Variants in RNF216 observed in about 807,000 individuals in gnomAD.
RNF216 encodes E3 ubiquitin-protein ligase RNF216.
RNF216 carries 72 observed loss-of-function variants against 110.8 expected under a neutral mutation model. That is an observed-to-expected ratio of 0.65 (90% CI 0.54 to 0.79). RNF216 has a LOEUF of 0.79. RNF216 is among the 30% of genes least tolerant of loss of function. RNF216 has a pLI of 0.00. For synonymous variants in RNF216, 495 were observed against 407.5 expected, an observed-to-expected ratio of 1.21 and a Z score of -2.59; for missense variants, 1,342 against 1,141.2, an observed-to-expected ratio of 1.18 and a Z score of -2.54.
intron 14 of RNF216, among the ~76,000 whole-genome samples, chr7:5,641,607 A>C (rs923241712): frequency 5.9e-5 from 9 of 152,138 alleles, no homozygotes; most frequent in South Asian, 2.1e-4. Flanking sequence ...TCATTTTTAA[A>C]CTGTGAAAAC....
chr7:5,729,620 A>C (rs1562437902), intron 6 of RNF216, 24 bp from the exon 7 acceptor site: 2 of 1,601,312 alleles, frequency 1.2e-6, no homozygotes, highest in Non-Finnish European at 1.7e-6. Flanking sequence ...GAAGCATAAA[A>C]TCAGAGGCCA....
intron 1 of RNF216, among the ~76,000 whole-genome samples, chr7:5,773,301 GGT>G: frequency 6.6e-6 from 1 of 151,224 alleles, no homozygotes; most frequent in African/African-American, 2.4e-5. Context: ...GGAGTGCAGT[GGT>G]GCAATCTCAG....
chr7:5,678,708 C>G (rs1022077258), intron 13 of RNF216, among the ~76,000 whole-genome samples: 1 of 152,250 alleles, frequency 6.6e-6, no homozygotes, highest in Non-Finnish European at 1.5e-5. Context: ...ACCCTCCAAG[C>G]ACGCTTCCAG....
chr7:5,766,361 C>T (rs74981409), intron 1 of RNF216, among the ~76,000 whole-genome samples: 15 of 152,096 alleles, frequency 9.9e-5, no homozygotes, highest in Non-Finnish European at 1.8e-4. Flanking sequence ...AAGTGTGTCA[C>T]GCCTGGCCTC....
At chr7:5,700,099 A>C (rs766854607) in intron 13 of RNF216, among the ~76,000 whole-genome samples, 2 of 152,118 alleles carry the variant, frequency 1.3e-5, no homozygotes, top group Non-Finnish European at 2.9e-5. Flanking sequence ...TGACACAGAC[A>C]CCCACGGGGA....
intron 10 of RNF216, among the ~76,000 whole-genome samples, chr7:5,715,491 C>T (rs918848946): frequency 5.3e-5 from 8 of 152,062 alleles, no homozygotes; most frequent in South Asian, 2.1e-4. Context: ...GGAACTAGAA[C>T]ATCTGTACTC....
intron 5 of RNF216, among the ~76,000 whole-genome samples, chr7:5,738,702 C>G (rs1377283124): frequency 8.0e-5 from 6 of 75,196 alleles, no homozygotes; most frequent in Non-Finnish European, 1.3e-4. Flanking sequence ...AGTGAGACTC[C>G]GTCTCAAAAA....
intron 13 of RNF216, among the ~76,000 whole-genome samples, chr7:5,687,630 C>G (rs1021476845): frequency 1.3e-5 from 2 of 152,086 alleles, no homozygotes; most frequent in African/African-American, 4.8e-5. Flanking sequence ...CTGAGATTAA[C>G]AGATCTCATT....
intron 1 of RNF216, among the ~76,000 whole-genome samples, chr7:5,761,713 G>A (rs1795944085): frequency 6.6e-6 from 1 of 151,916 alleles, no homozygotes; most frequent in Non-Finnish European, 1.5e-5. Flanking sequence ...TTGAACCCGG[G>A]AGGCTGAAGT....
At chr7:5,707,983 T>A (rs1206394129) in intron 13 of RNF216, among the ~76,000 whole-genome samples, 1 of 152,208 alleles carries the variant, frequency 6.6e-6, no homozygotes, top group African/African-American at 2.4e-5. Context: ...TGCCTCGGCC[T>A]CCCACAGTGC....
intron 14 of RNF216, among the ~76,000 whole-genome samples, chr7:5,646,746 T>C (rs1415350153): frequency 6.6e-6 from 1 of 151,894 alleles, no homozygotes; most frequent in Non-Finnish European, 1.5e-5. Flanking sequence ...TTATGTGTGG[T>C]CACTGAAGTC....
At chr7:5,746,876 G>C (rs4724719) in intron 3 of RNF216, among the ~76,000 whole-genome samples, 60 of 152,126 alleles carry the variant, frequency 3.9e-4, no homozygotes, top group Non-Finnish European at 7.9e-4. Flanking sequence ...TGAATCCTAA[G>C]ACTCCAAATT....
intron 4 of RNF216, among the ~76,000 whole-genome samples, chr7:5,739,984 C>T (rs998940639): frequency 2.8e-5 from 4 of 140,456 alleles, no homozygotes; most frequent in Non-Finnish European, 4.6e-5. Flanking sequence ...GCCTGGGTGA[C>T]AGAGTGAGAC....
intron 14 of RNF216, among the ~76,000 whole-genome samples, chr7:5,643,684 C>T (rs1017362162): frequency 1.3e-5 from 2 of 152,184 alleles, no homozygotes; most frequent in African/African-American, 4.8e-5. Context: ...TGGTAAAATG[C>T]ACATAAAATT....
At chr7:5,719,207 C>G (rs909165811) in intron 9 of RNF216, among the ~76,000 whole-genome samples, 3 of 151,940 alleles carry the variant, frequency 2.0e-5, no homozygotes, top group African/African-American at 7.3e-5. Context: ...ATGGGGAAAC[C>G]CAGGCTCTAC....
intron 8 of RNF216, 22 bp from the exon 9 acceptor site, chr7:5,721,194 A>C: frequency 6.2e-7 from 1 of 1,611,176 alleles, no homozygotes; most frequent in South Asian, 1.1e-5. Flanking sequence ...ACGACAATGC[A>C]AAAGCATGCA....
rs1171304128 is a variant in RNF216, at chr7:5,741,648, T to C, written c.369A>G (p.Ala123=). The C allele has an allele frequency of 6.2e-7, 1 of 1,614,158 alleles. No homozygotes were observed. The highest frequency in any genetic ancestry group is 8.5e-7 in the Non-Finnish European group (1 of 1,180,026). The part of the protein sequence containing the change: ...VCNNPLFDSG[A]QDDSEDDYGE... ...CGTAGTCATCCTCAGAATCATCCTG[T>C]GCCCCAGAATCAAACAATGGGTTGT... Residue 123 remains alanine, a synonymous_variant, in exon 4 of 17, where the codon GCA becomes GCG. Coordinates refer to ENST00000389902, the MANE Select transcript of RNF216 (RefSeq NM_207111.4).
chr7:5,664,084 G>A (rs887039807), intron 13 of RNF216, among the ~76,000 whole-genome samples: 14 of 152,094 alleles, frequency 9.2e-5, no homozygotes, highest in Non-Finnish European at 8.8e-5. Context: ...AGATTTGAGC[G>A]GCACAAGGTG....
Position 5,752,914 on chromosome 7 carries a change from T to C in RNF216, c.133A>G (p.Met45Val), listed in dbSNP as rs767466211. Residue 45 changes from methionine to valine, a missense_variant, in exon 3 of 17, where the codon ATG (methionine) becomes GTG (valine). By Grantham distance (21) the Met-to-Val change is conservative. Coordinates refer to ENST00000389902, the MANE Select transcript of RNF216 (RefSeq NM_207111.4). ...TGCTGAGGAGCTGGGGTGACCAGCA[T>C]TGGAATCCTTTCCTCATCTGAGGAG... ...SDSSDEERIP[M>V]LVTPAPQQHE... The C allele has an allele frequency of 3.1e-5, 50 of 1,611,932 alleles. No individual in the cohort carries two copies. The highest frequency in any genetic ancestry group is 1.7e-4 in the Middle Eastern group (1 of 6,026).
Sources: gnomAD v4.1 joint callset for allele counts (sites outside exome capture counted in the v4.1 genomes callset) on GRCh38, gnomAD v4.1.1 for gene constraint, MANE v1.5 for transcripts, NCBI Gene and HGNC (gene_info 2026-07-23, HGNC 2026-07-21) for gene names.